CHST7: variants seen among roughly 807,000 people sequenced by gnomAD.
CHST7 encodes carbohydrate sulfotransferase 7, also known as N-acetylglucosamine 6-O-sulfotransferase 4.
CHST7 carries 5 observed loss-of-function variants against 9.0 expected under a neutral mutation model. That is an observed-to-expected ratio of 0.56 (90% CI 0.29 to 1.17). The LOEUF (loss-of-function observed/expected upper bound fraction) is 1.17, where lower values mean the gene tolerates loss of function less well. Among genes scored for constraint, CHST7 ranks in the 50% most tolerant of loss-of-function variants. CHST7 has a pLI of 0.08. For synonymous variants in CHST7, 244 were observed against 237.1 expected, an observed-to-expected ratio of 1.03 and a Z score of -0.27; for missense variants, 377 against 485.1, an observed-to-expected ratio of 0.78 and a Z score of 2.09.
intron 1 of CHST7, among the ~76,000 whole-genome samples, chrX:46,584,109 T>C (rs1942537462): frequency 8.9e-6 from 1 of 112,364 alleles, no homozygotes; most frequent in Admixed American, 9.4e-5. Context: ...ATGATGACTA[T>C]ATTCTGTGCC....
rs752249408 is a variant in CHST7, at chrX:46,575,266, G to A, written c.1335G>A (p.Gln445=). The A allele has an allele frequency of 1.4e-5, 15 of 1,106,473 alleles. No individual in the cohort carries two copies. The Admixed American group carries it at 4.3e-4, about 32-fold the overall frequency. 91.2% of individuals were successfully genotyped at this position (1,106,473 alleles called of 1,213,427 possible). The change falls in exon 1 of 2, where the codon CAG becomes CAA. Residue 445 remains glutamine, a synonymous_variant. Transcript: ENST00000276055. ...RERLSREQVR[Q]VEAACAPAMR... is the part of the protein sequence containing the mutation. ...GCCTGAGCCGAGAGCAGGTGCGCCA[G>A]GTGGAGGCCGCCTGCGCTCCAGCCA...
intron 1 of CHST7, among the ~76,000 whole-genome samples, chrX:46,583,921 T>C (rs1942536578): frequency 8.9e-6 from 1 of 112,446 alleles, no homozygotes; most frequent in Non-Finnish European, 1.9e-5. Flanking sequence ...ACCATTCTAT[T>C]CTCTACCTCC....
At chrX:46,584,096 T>C (rs1204072375) in intron 1 of CHST7, among the ~76,000 whole-genome samples, 2 of 112,349 alleles carry the variant, frequency 1.8e-5, no homozygotes, top group African/African-American at 6.5e-5. Flanking sequence ...ACATTTGATT[T>C]CAATGATGAC....
At position 46,598,030 on chromosome X, in the gene CHST7, C is replaced by T. The variant is rs1942605290; in HGVS notation, c.*302C>T. 8.9e-6 allele frequency: 1 copy of T among 112,772 alleles called. No individual in the cohort carries two copies. Among genetic ancestry groups the T allele is most frequent in the Non-Finnish European group, 1.9e-5 (1 of 53,338 alleles). The allele number at this position is 112,772 out of a possible 1,213,427, so 9.3% of individuals were successfully genotyped here. ...TTTAGTTCCCAGGCTGAACCTGCCA[C>T]TGCTGGAGCCATTTCAACAAGGCAT... On this transcript the variant is annotated 3_prime_UTR_variant, in exon 2 of 2. Transcript: ENST00000276055.
chrX:46,574,349 G>T lies in CHST7; in HGVS notation c.418G>T (p.Ala140Ser). 8.3e-7 allele frequency: 1 copy of T among 1,210,352 alleles called. No homozygotes were observed. Among genetic ancestry groups the T allele is most frequent in the Non-Finnish European group, 1.1e-6 (1 of 895,266 alleles). Residue 140 changes from alanine to serine, a missense_variant, in exon 1 of 2, where the codon GCG (alanine) becomes TCG (serine). This residue lies in a region of CHST7 where 239 missense variants were observed against 325.7 expected (regional missense o/e 0.73). Transcript: ENST00000276055. ...LYEPMWHLWQALYPGDAESLQ... is the reference protein window; with the variant it reads ...LYEPMWHLWQSLYPGDAESLQ... ...TGAGCCCATGTGGCATCTATGGCAG[G>T]CGCTGTATCCGGGCGACGCCGAGAG...
rs188089153 is a variant in CHST7, at chrX:46,597,542, C to T, written c.*32-218C>T. 7.4e-3 allele frequency among the ~76,000 whole-genome samples: 836 copies of T among 112,231 alleles called. 8 individuals carry two copies. The highest frequency in any genetic ancestry group is 0.026 in the African/African-American group (789 of 30,859). ...GCAGCCATGCTAACAGAGGCGCCCC[C>T]GGAGTTTTCCCATCTTCACCCTCAC... On this transcript the variant is annotated intron_variant, in intron 1 of 1. Transcript: ENST00000276055.
chrX:46,575,006 G>T lies in CHST7; in HGVS notation c.1075G>T (p.Ala359Ser). 1.8e-6 allele frequency: 2 copies of T among 1,129,789 alleles called. No individual in the cohort carries two copies. The highest frequency in any genetic ancestry group is 2.3e-6 in the Non-Finnish European group (2 of 865,839). The allele number at this position is 1,129,789 out of a possible 1,213,427, so 93.1% of individuals were successfully genotyped here. The change falls in exon 1 of 2, where the codon GCG becomes TCG. Residue 359 changes from alanine to serine, a missense_variant. Transcript: ENST00000276055. The stretch of plus-strand genomic sequence containing the variant: ...AGCCTGGCTGCGCGATCTGCTTTTC[G>T]CGCGCGGCGCGCCCGCCTGGCTGCG... ...CEAWLRDLLF[A>S]RGAPAWLRRR... is the part of the protein sequence containing the mutation.
intron 1 of CHST7, among the ~76,000 whole-genome samples, chrX:46,585,873 G>A (rs1311351479): frequency 1.8e-5 from 2 of 111,150 alleles, no homozygotes; most frequent in Non-Finnish European, 3.8e-5. Flanking sequence ...GGCCTCCAGA[G>A]TATCTGGGAC....
At chrX:46,578,356 A>G (rs771213181) in intron 1 of CHST7, among the ~76,000 whole-genome samples, 1 of 89,754 alleles carries the variant, frequency 1.1e-5, no homozygotes, top group East Asian at 3.4e-4. Flanking sequence ...GGCTCACTGC[A>G]ATTTCCTCCT....
Position 46,574,926 on chromosome X carries a change from C to CCGCCG in CHST7, c.1004_1008dup (p.Ala337ArgfsTer7). ...CCCGGGGGCCAGTCTCGCGCGCTGCCCGCCGCGCCGCGCGCCGATTTCTTC... is the reference window on the plus strand; with the variant it reads ...CCCGGGGGCCAGTCTCGCGCGCTGCCCGCCGCGCCGCGCCGCGCGCCGATTTCTTC... On this transcript the variant is annotated frameshift_variant, in exon 1 of 2. Coordinates refer to ENST00000276055, the MANE Select transcript of CHST7 (RefSeq NM_019886.4). LOFTEE classifies it low-confidence loss of function (END_TRUNC). 2 of 1,142,654 alleles carry CCGCCG rather than the reference C, an allele frequency of 1.8e-6. No individual in the cohort carries two copies. The highest frequency in any genetic ancestry group is 2.3e-6 in the Non-Finnish European group (2 of 869,525). The allele number at this position is 1,142,654 out of a possible 1,213,427, so 94.2% of individuals were successfully genotyped here. A position where few individuals can be genotyped will look rare whatever the true frequency, so the allele number is the denominator to read the frequency against.
chrX:46,585,295 CTTT>C (rs367597052), intron 1 of CHST7, among the ~76,000 whole-genome samples: 3 of 23,315 alleles, frequency 1.3e-4, no homozygotes, highest in East Asian at 2.5e-3. Context: ...CTTTTCTTTT[CTTT>C]TTTTTTTTTT....
rs1817503697 is a variant in CHST7 at position 46,574,783 on chromosome X, C to T, written c.852C>T (p.His284=). 1 of 1,202,267 alleles carries T rather than the reference C, an allele frequency of 8.3e-7. No individual in the cohort carries two copies. Among genetic ancestry groups the T allele is most frequent in the Admixed American group, 2.2e-5 (1 of 45,050 alleles). The change falls in exon 1 of 2, where the codon CAC becomes CAT. Residue 284 remains histidine, a synonymous_variant. Transcript: ENST00000276055. The stretch of plus-strand genomic sequence containing the variant: ...TTTTCCGCGACCCGAGGGCGGTGCA[C>T]AACTCGCGCCTCAAGTCTAGGCAGG... ...VQLFRDPRAV[H]NSRLKSRQGL...
chrX:46,590,908 T>A (rs2146641757), intron 1 of CHST7, among the ~76,000 whole-genome samples: 1 of 112,552 alleles, frequency 8.9e-6, no homozygotes, highest in African/African-American at 3.2e-5. Context: ...AATTGTGTTA[T>A]TTCAATAATG....
intron 1 of CHST7, among the ~76,000 whole-genome samples, chrX:46,594,888 G>C (rs1236285913): frequency 9.0e-6 from 1 of 111,463 alleles, no homozygotes; most frequent in Non-Finnish European, 1.9e-5. Flanking sequence ...ATGCATGATA[G>C]ATCATTTATT....
chrX:46,575,755 A>G (rs1328369043), intron 1 of CHST7, among the ~76,000 whole-genome samples: 1 of 112,060 alleles, frequency 8.9e-6, no homozygotes, highest in Non-Finnish European at 1.9e-5. Flanking sequence ...TGAAACAGTC[A>G]TAATGAGCCG....
intron 1 of CHST7, among the ~76,000 whole-genome samples, chrX:46,596,780 T>C (rs1313558875): frequency 9.1e-6 from 1 of 110,346 alleles, no homozygotes; most frequent in Non-Finnish European, 1.9e-5. Context: ...ACCCCGTCTC[T>C]ACTAAAAATA....
At chrX:46,580,058 AT>A (rs56904751) in intron 1 of CHST7, among the ~76,000 whole-genome samples, 174 of 89,345 alleles carry the variant, frequency 1.9e-3, no homozygotes, top group Non-Finnish European at 2.6e-3. Flanking sequence ...AAGAATGGGC[AT>A]TTTTTTTTTT....
intron 1 of CHST7, among the ~76,000 whole-genome samples, chrX:46,588,878 T>C (rs1213835572): frequency 9.0e-6 from 1 of 111,556 alleles, no homozygotes; most frequent in African/African-American, 3.3e-5. Context: ...ATTCTTGAGA[T>C]TAATTGCATG....
intron 1 of CHST7, among the ~76,000 whole-genome samples, chrX:46,577,721 A>T (rs1016929675): frequency 3.6e-5 from 4 of 111,671 alleles, no homozygotes; most frequent in African/African-American, 1.3e-4. Context: ...CCTCTCTTTT[A>T]TACCTCACCT....
Sources: gnomAD v4.1 joint callset for allele counts (sites outside exome capture counted in the v4.1 genomes callset) on GRCh38, gnomAD v4.1.1 for gene constraint, gnomAD v4.1.1 regional missense constraint, MANE v1.5 for transcripts, NCBI Gene and HGNC (gene_info 2026-07-23, HGNC 2026-07-21) for gene names.